The following MFAP1 variants were observed in gnomAD, a reference collection of about 807,000 sequenced individuals.
MFAP1 encodes microfibrillar-associated protein 1.
MFAP1 carries 18 observed loss-of-function variants against 62.2 expected under a neutral mutation model. That is an observed-to-expected ratio of 0.29 (90% confidence interval 0.20 to 0.43). MFAP1 has a LOEUF of 0.43. MFAP1 is among the 20% of genes least tolerant of loss of function. The pLI, the probability that MFAP1 is intolerant of heterozygous loss-of-function variation, is 1.00. For missense variants in MFAP1, 355 were observed against 559.7 expected (o/e 0.63, Z 3.69); for synonymous variants, 175 against 180.4 (o/e 0.97, Z 0.24).
chr15:43,810,408 C>G (rs2087391598), intron 6 of MFAP1, among the ~76,000 whole-genome samples: 1 of 151,378 alleles, frequency 6.6e-6, no homozygotes, highest in Admixed American at 6.6e-5. Context: ...GCTCTGTCGC[C>G]CAGGCTGGAG....
intron 1 of MFAP1, among the ~76,000 whole-genome samples, chr15:43,821,738 T>C (rs567736296): frequency 6.6e-6 from 1 of 152,206 alleles, no homozygotes; most frequent in African/African-American, 2.4e-5. Context: ...TACTGGACTG[T>C]AAGCTAACTT....
intron 7 of MFAP1, among the ~76,000 whole-genome samples, chr15:43,806,358 T>G (rs530361889): frequency 1.3e-5 from 2 of 152,306 alleles, no homozygotes; most frequent in Admixed American, 1.3e-4. Context: ...CTTTAACTTT[T>G]CTGTTAGTAG....
At chr15:43,818,504 CA>C (rs35298718) in intron 1 of MFAP1, among the ~76,000 whole-genome samples, 75,559 of 124,262 alleles carry the variant, frequency 0.61, 23,900 homozygotes, top group Non-Finnish European at 0.73. Flanking sequence ...TAAAAACTAC[CA>C]AAAAAAAAAA....
intron 2 of MFAP1, 94 bp from the exon 3 acceptor site, chr15:43,815,168 CTT>C: frequency 6.6e-7 from 1 of 1,512,796 alleles, no homozygotes; most frequent in South Asian, 1.2e-5. Context: ...TTATGTTTGC[CTT>C]CATTAATACT....
chr15:43,809,646 C>T, intron 7 of MFAP1, 109 bp downstream of exon 7: 1 of 1,333,438 alleles, frequency 7.5e-7, no homozygotes, highest in South Asian at 1.4e-5. Context: ...GAAAGCTGAC[C>T]ACTGGCAAGT....
chr15:43,823,666 C>T (rs1596060230), intron 1 of MFAP1, among the ~76,000 whole-genome samples: 1 of 152,114 alleles, frequency 6.6e-6, no homozygotes, highest in South Asian at 2.1e-4. Flanking sequence ...CATAAGACAC[C>T]GTGCCTGGCC....
chr15:43,813,276 A>C lies in MFAP1; in HGVS notation c.699T>G (p.Ala233=), dbSNP rs752160310. ...KELEQEAKRM[A]EERRKYTLKI... ...TGAGTGTGTACTTGCGCCTTTCCTCAGCCATGCGTTTTGCTTCCTGCTCCA... is the reference window on the plus strand; with the variant it reads ...TGAGTGTGTACTTGCGCCTTTCCTCCGCCATGCGTTTTGCTTCCTGCTCCA... Residue 233 remains alanine (A), a synonymous_variant, in exon 5 of 9, where the codon GCT becomes GCG. Coordinates refer to ENST00000267812, the MANE Select transcript of MFAP1 (RefSeq NM_005926.3). 9.9e-6 allele frequency: 16 copies of C among 1,613,248 alleles called. No individual in the cohort carries two copies. The South Asian group carries it at 1.8e-4, about 18-fold the overall frequency.
At chr15:43,817,786 T>C (rs933224041) in intron 1 of MFAP1, among the ~76,000 whole-genome samples, 1 of 152,150 alleles carries the variant, frequency 6.6e-6, no homozygotes, top group East Asian at 1.9e-4. Context: ...ACCTCAACTA[T>C]ACCCTTAAAC....
In MFAP1 at chr15:43,813,083, G is replaced by T. The variant is rs147939605; in HGVS notation, c.791C>A (p.Ala264Glu). ...ENKRSLAALD[A>E]LNTDDENDEE... ...ATCATTTTCATCATCAGTATTGAGT[G>T]CATCCAATGCAGCCAGGGATCGCTT... Residue 264 changes from alanine to glutamate, a missense_variant, in exon 6 of 9, where the codon GCA (alanine) becomes GAA (glutamate). Ala to Glu is a moderately radical substitution (Grantham distance 107). Coordinates refer to ENST00000267812, the MANE Select transcript of MFAP1 (RefSeq NM_005926.3). 1.1e-5 allele frequency: 17 copies of T among 1,614,004 alleles called. No homozygotes were observed. Among genetic ancestry groups the T allele is most frequent in the Non-Finnish European group, 1.4e-5 (17 of 1,180,030 alleles).
chr15:43,819,285 T>G (rs2087453135), intron 1 of MFAP1, among the ~76,000 whole-genome samples: 1 of 152,160 alleles, frequency 6.6e-6, no homozygotes, highest in Non-Finnish European at 1.5e-5. Context: ...CTATTTTTAC[T>G]TTTTAAAATT....
chr15:43,809,636 G>T, intron 7 of MFAP1, 119 bp downstream of exon 7: 1 of 1,249,962 alleles, frequency 8.0e-7, no homozygotes, highest in East Asian at 2.3e-5. Context: ...AAGCAAATGA[G>T]AAAGCTGACC....
In MFAP1 at chr15:43,811,580, T is replaced by C. The variant is rs536137924; in HGVS notation, c.887+1407A>G. Among the ~76,000 whole-genome samples the C allele has an allele frequency of 3.3e-5, 5 of 150,544 alleles. No homozygotes were observed. The South Asian group carries it at 1.1e-3, about 32-fold the overall frequency. On this transcript the variant is annotated intron_variant, in intron 6 of 8. Coordinates refer to ENST00000267812, the MANE Select transcript of MFAP1 (RefSeq NM_005926.3). ...TGGAGTGCAGTGGCACGATCTCAGC[T>C]CACCGCAACCTCTGCCTGCCGGGTT...
At chr15:43,811,128 C>T (rs1311753650) in intron 6 of MFAP1, among the ~76,000 whole-genome samples, 1 of 150,290 alleles carries the variant, frequency 6.7e-6, no homozygotes, top group Non-Finnish European at 1.5e-5. Flanking sequence ...AAACTACAGG[C>T]TGAGGGCCAG....
intron 6 of MFAP1, among the ~76,000 whole-genome samples, chr15:43,811,574 C>T (rs1424143390): frequency 6.7e-6 from 1 of 150,112 alleles, no homozygotes; most frequent in Non-Finnish European, 1.5e-5. Flanking sequence ...GTGGCACGAT[C>T]TCAGCTCACC....
chr15:43,816,742 T>G (rs2087436422), intron 2 of MFAP1, among the ~76,000 whole-genome samples: 1 of 152,216 alleles, frequency 6.6e-6, no homozygotes, highest in Non-Finnish European at 1.5e-5. Context: ...TCTCCATCAA[T>G]ATATAACATA....
intron 1 of MFAP1, among the ~76,000 whole-genome samples, chr15:43,823,163 C>T (rs547570221): frequency 2.0e-5 from 3 of 148,854 alleles, no homozygotes; most frequent in Admixed American, 6.8e-5. Context: ...CAGAGATTGG[C>T]GGGGGTGGGG....
Position 43,810,647 on chromosome 15 carries a change from G to A in MFAP1, c.888-733C>T, listed in dbSNP as rs570204071. On this transcript the variant is annotated intron_variant, in intron 6 of 8. Transcript: ENST00000267812. ...CTTCCAAAGTGTTGGGATTATAGGC[G>A]TGAGCCACTGCGCCCAGCCAGATTG... Among the ~76,000 whole-genome samples the A allele has an allele frequency of 1.1e-4, 17 of 152,284 alleles. No individual in the cohort carries two copies. The East Asian group carries it at 2.3e-3, about 21-fold the overall frequency.
Position 43,805,370 on chromosome 15 carries a change from C to G in MFAP1, c.1137+6G>C, listed in dbSNP as rs1198766956. 1 of 1,610,376 alleles carries G rather than the reference C, an allele frequency of 6.2e-7. No individual in the cohort carries two copies. The highest frequency in any genetic ancestry group is 8.5e-7 in the Non-Finnish European group (1 of 1,178,920). The stretch of plus-strand genomic sequence containing the variant: ...TTCTCTGTCATGTTATTAAGGTTCC[C>G]CATACCTGCATGACTTTAGGAAGAA... On this transcript the variant is annotated splice_donor_region_variant and intron_variant, in intron 8 of 8. Transcript: ENST00000267812.
At chr15:43,811,295 G>T (rs2087399040) in intron 6 of MFAP1, among the ~76,000 whole-genome samples, 1 of 149,986 alleles carries the variant, frequency 6.7e-6, no homozygotes, top group Non-Finnish European at 1.5e-5. Context: ...TATACCTGTA[G>T]TCCCAGCTAC....
Sources: allele counts gnomAD v4.1 joint callset (sites outside exome capture counted in the v4.1 genomes callset), GRCh38; gene constraint gnomAD v4.1.1; transcripts MANE v1.5; gene names NCBI Gene and HGNC (gene_info 2026-07-23, HGNC 2026-07-21).